CDH23: variants seen among roughly 807,000 people sequenced by gnomAD.
The protein encoded by CDH23 is cadherin related 23, also known as cadherin-23.
In CDH23, 189 loss-of-function variants were observed where a neutral mutation model predicts 317.1. The ratio of observed to expected loss-of-function variants is 0.60; its 90% CI spans 0.53 to 0.67. The LOEUF (loss-of-function observed/expected upper bound fraction) is 0.67, where lower values mean the gene tolerates loss of function less well. Among genes scored for constraint, CDH23 ranks in the 30% least tolerant of loss-of-function variants. CDH23 has a pLI of 0.00. For synonymous variants in CDH23, 1,839 were observed against 1,876.8 expected (o/e 0.98, Z 0.52); for missense variants, 4,401 against 4,592.4 (o/e 0.96, Z 1.20).
rs554686961 is a variant in CDH23 at position 71,639,904 on chromosome 10, G to A, written c.1135-3957G>A. On this transcript the variant is annotated intron_variant, in intron 11 of 69. Transcript: ENST00000224721. ...ACAAATCCAGACCAAGCAGGAATTGGCCAGCTGGTAAAGTCCTGGAAGGAA... is the reference window on the plus strand; with the variant it reads ...ACAAATCCAGACCAAGCAGGAATTGACCAGCTGGTAAAGTCCTGGAAGGAA... Among the ~76,000 whole-genome samples, 35 of 152,268 alleles carry A rather than the reference G, an allele frequency of 2.3e-4. No individual in the cohort carries two copies. In the South Asian group the frequency reaches 7.0e-3, roughly 31 times the overall value.
intron 14 of CDH23, among the ~76,000 whole-genome samples, chr10:71,667,365 T>A (rs147101206): frequency 0.094 from 2,672 of 28,540 alleles, 89 homozygotes; most frequent in African/African-American, 0.22. Context: ...AGAGAGTGTG[T>A]GTGTGTGTGT....
rs74363378 is a variant in CDH23, at chr10:71,774,905, C to T, written c.4846-2775C>T. On this transcript the variant is annotated intron_variant, in intron 38 of 69. Transcript: ENST00000224721. ...CTTGTGGGTGGCCTGATCCAAGTCA[C>T]GGGCTCTCTGGAGGCCCTTAGCCCT... 8.8e-3 allele frequency among the ~76,000 whole-genome samples: 1,337 copies of T among 152,264 alleles called. 24 individuals are homozygous for T. Among genetic ancestry groups the T allele is most frequent in the African/African-American group, 0.031 (1,269 of 41,530 alleles).
intron 6 of CDH23, among the ~76,000 whole-genome samples, chr10:71,547,558 T>G (rs910699919): frequency 1.3e-5 from 2 of 152,154 alleles, no homozygotes; most frequent in Non-Finnish European, 2.9e-5. Context: ...CGCCCAGATA[T>G]GTATTTCAGG....
In CDH23 at chr10:71,683,487, G is replaced by A. The variant is rs115676901; in HGVS notation, c.1986+915G>A. ...TTAACAAGCTCTGTCTTCTCAACCC[G>A]AGGCTGAAGCTCCAGGGCCAGCTTC... On this transcript the variant is annotated intron_variant, in intron 18 of 69. Transcript: ENST00000224721. Among the ~76,000 whole-genome samples the A allele has an allele frequency of 5.6e-3, 852 of 152,270 alleles. 11 individuals are homozygous for A. The highest frequency in any genetic ancestry group is 0.02 in the African/African-American group (815 of 41,544).
intron 2 of CDH23, 104 bp downstream of exon 2, chr10:71,440,002 T>G (rs1589309679): frequency 2.3e-6 from 2 of 882,358 alleles, no homozygotes; most frequent in Non-Finnish European, 3.7e-6. Context: ...TCTGGGACTC[T>G]GGAGACACTG....
At chr10:71,517,123 C>T (rs142448122) in intron 6 of CDH23, among the ~76,000 whole-genome samples, 1,579 of 152,290 alleles carry the variant, frequency 0.01, 24 homozygotes, top group African/African-American at 0.032. Flanking sequence ...GCCTCTTGGG[C>T]GGTGTGAGGA....
At chr10:71,493,223 T>C (rs1852764847) in intron 3 of CDH23, among the ~76,000 whole-genome samples, 2 of 152,126 alleles carry the variant, frequency 1.3e-5, no homozygotes, top group Admixed American at 1.3e-4. Context: ...TGCTCAGGAT[T>C]TGGCCTGAGT....
intron 48 of CDH23, chr10:71,795,787 A>G (rs1841384838): frequency 1.0e-6 from 1 of 986,412 alleles, no homozygotes. Context: ...TGCACCCTGA[A>G]CTAACTGATG....
intron 3 of CDH23, among the ~76,000 whole-genome samples, chr10:71,458,498 C>T (rs553687634): frequency 6.6e-6 from 1 of 152,222 alleles, no homozygotes; most frequent in South Asian, 2.1e-4. Flanking sequence ...TGGACAACCT[C>T]ATAGGGAGCT....
intron 30 of CDH23, among the ~76,000 whole-genome samples, chr10:71,729,247 A>G (rs757261301): frequency 1.5e-4 from 23 of 152,244 alleles, no homozygotes; most frequent in Non-Finnish European, 2.9e-4. Context: ...TGCACAATTC[A>G]GAAACAGCCA....
chr10:71,411,348 A>G (rs1447170747), intron 1 of CDH23, among the ~76,000 whole-genome samples: 1 of 152,088 alleles, frequency 6.6e-6, no homozygotes, highest in East Asian at 1.9e-4. Flanking sequence ...TATTTTTAAA[A>G]CTGGATTTCC....
At chr10:71,495,680 A>T (rs1373069263) in intron 3 of CDH23, among the ~76,000 whole-genome samples, 2 of 151,876 alleles carry the variant, frequency 1.3e-5, no homozygotes, top group Admixed American at 6.6e-5. Flanking sequence ...TAAAAAAAAA[A>T]ATTGTAAAAT....
At chr10:71,562,912 TC>T (rs35932846) in intron 6 of CDH23, among the ~76,000 whole-genome samples, 34,523 of 152,156 alleles carry the variant, frequency 0.23, 3,951 homozygotes, top group South Asian at 0.26. Flanking sequence ...GATAACAAGA[TC>T]TTTCTTTCAG....
chr10:71,680,801 T>C (rs1361397997), intron 17 of CDH23, among the ~76,000 whole-genome samples: 1 of 130,060 alleles, frequency 7.7e-6, no homozygotes, highest in Non-Finnish European at 1.6e-5. Flanking sequence ...TCTACATCCC[T>C]CTGTCTTTCT....
At position 71,397,804 on chromosome 10, in the gene CDH23, G is replaced by A. The variant is rs10400035; in HGVS notation, c.-6+486G>A. ...GCGGGCTGGGCAGAGGCGCTGAGGG[G>A]AACTAAAGGCACGTAGTTCTCCCCT... is the stretch of plus-strand genomic sequence containing the variant. On this transcript the variant is annotated intron_variant, in intron 1 of 69. Coordinates refer to ENST00000224721, the MANE Select transcript of CDH23 (RefSeq NM_022124.6). This position sits in a 1 kb window ranked among gnomAD's most constrained non-coding sequence, Gnocchi z 4.8. Among the ~76,000 whole-genome samples, 16,609 of 152,036 alleles carry A rather than the reference G, an allele frequency of 0.11. 1,343 individuals carry two copies. The highest frequency in any genetic ancestry group is 0.23 in the African/African-American group (9,621 of 41,466).
chr10:71,456,527 G>A (rs934618587), intron 3 of CDH23, among the ~76,000 whole-genome samples: 3 of 142,614 alleles, frequency 2.1e-5, no homozygotes, highest in Admixed American at 6.7e-5. Flanking sequence ...CAACACACAG[G>A]TGTGGGTATG....
intron 1 of CDH23, among the ~76,000 whole-genome samples, chr10:71,408,575 G>A (rs1848215660): frequency 6.6e-6 from 1 of 152,210 alleles, no homozygotes; most frequent in East Asian, 1.9e-4. Flanking sequence ...GGCATGGGGT[G>A]TAGAGAGTGG....
Position 71,676,168 on chromosome 10 carries a change from A to G in CDH23, c.1514+992A>G, listed in dbSNP as rs551791919. Among the ~76,000 whole-genome samples the G allele has an allele frequency of 4.7e-3, 697 of 148,246 alleles. 5 individuals carry two copies. Among genetic ancestry groups the G allele is most frequent in the Non-Finnish European group, 7.4e-3 (494 of 66,760 alleles). On this transcript the variant is annotated intron_variant, in intron 15 of 69. Coordinates refer to ENST00000224721, the MANE Select transcript of CDH23 (RefSeq NM_022124.6). ...GGTGATCCACCCACCTCAGCCTCCC[A>G]AGTGCTGGGATTACAGGCATGAGCC...
intron 19 of CDH23, among the ~76,000 whole-genome samples, chr10:71,689,114 T>G (rs1589336519): frequency 7.9e-6 from 1 of 126,940 alleles, no homozygotes; most frequent in African/African-American, 2.8e-5. Flanking sequence ...GAGTCAGGGG[T>G]GGTGGAGCCA....
Sources: allele counts gnomAD v4.1 joint callset (sites outside exome capture counted in the v4.1 genomes callset), GRCh38; gene constraint gnomAD v4.1.1; non-coding constraint Gnocchi (gnomAD v3.1); transcripts MANE v1.5; gene names NCBI Gene and HGNC (gene_info 2026-07-23, HGNC 2026-07-21).